The following NAPRT variants were observed in gnomAD, a reference collection of about 807,000 sequenced individuals.
The protein encoded by NAPRT is nicotinate phosphoribosyltransferase.
NAPRT carries 66 observed loss-of-function variants against 60.7 expected under a neutral mutation model. That is an observed-to-expected ratio of 1.09 (90% CI 0.89 to 1.33). The LOEUF is 1.33. NAPRT is among the 40% of genes most tolerant of loss of function. The pLI, the probability that NAPRT is intolerant of heterozygous loss-of-function variation, is 0.00. For missense variants in NAPRT, 818 were observed against 731.5 expected, an observed-to-expected ratio of 1.12 and a Z score of -1.36; for synonymous variants, 405 against 335.7, an observed-to-expected ratio of 1.21 and a Z score of -2.26.
chr8:143,577,786 C>T (rs1354293159), intron 2 of NAPRT, 30 bp downstream of exon 2: 1 of 1,579,802 alleles, frequency 6.3e-7, no homozygotes, highest in Non-Finnish European at 8.6e-7. Flanking sequence ...CACCCCGTGG[C>T]CGCCGCGCCG....
At position 143,575,611 on chromosome 8, in the gene NAPRT, A is replaced by C; in HGVS notation, c.1188+11T>G. On this transcript the variant is annotated intron_variant, in intron 9 of 12. Transcript: ENST00000449291. ...ACCTGCCCCCACCTGGGCCCCCGAC[A>C]CTGTCCCTACCTTATAGACGCCACC... 6.3e-7 allele frequency: 1 copy of C among 1,590,004 alleles called. No homozygotes were observed.
rs769715768 is a variant in NAPRT, at chr8:143,576,705, G to A, written c.822C>T (p.Ala274=). The change falls in exon 6 of 13, where the codon GCC becomes GCT. Residue 274 remains alanine, a synonymous_variant. Coordinates refer to ENST00000449291, the MANE Select transcript of NAPRT (RefSeq NM_145201.6). ...AGGCCCGGGGAAAAGCCAAGGCATAGGCCACAAAGGCTGCCCGCTCGCCTG... is the reference window on the plus strand; with the variant it reads ...AGGCCCGGGGAAAAGCCAAGGCATAAGCCACAAAGGCTGCCCGCTCGCCTG... ...PHPGERAAFV[A]YALAFPRAFQ... is the part of the protein sequence containing the mutation. The A allele has an allele frequency of 4.3e-6, 7 of 1,610,670 alleles. No individual in the cohort carries two copies. In the African/African-American group the frequency reaches 9.3e-5, roughly 21 times the overall value.
chr8:143,578,172 C>CG lies in NAPRT; in HGVS notation c.146dup (p.Phe50ValfsTer178). On this transcript the variant is annotated frameshift_variant, in exon 1 of 13. Coordinates refer to ENST00000449291, the MANE Select transcript of NAPRT (RefSeq NM_145201.6). LOFTEE classifies it high-confidence loss of function. ...CGGCCAAGGCGAAGGCGCCGCCGAA[C>CG]GGGCAGCGGCGGAAGAAGAGCTCGA... 1 of 1,514,848 alleles carries CG rather than the reference C, an allele frequency of 6.6e-7. No homozygotes were observed. The highest frequency in any genetic ancestry group is 1.2e-5 in the South Asian group (1 of 81,468). The allele number at this position is 1,514,848 out of a possible 1,614,324, so 93.8% of individuals were successfully genotyped here.
In NAPRT at chr8:143,577,418, C is replaced by CA; in HGVS notation, c.438-20dup. The CA allele has an allele frequency of 6.3e-7, 1 of 1,595,086 alleles. No individual in the cohort carries two copies. The highest frequency in any genetic ancestry group is 8.5e-7 in the Non-Finnish European group (1 of 1,170,438). ...CACCAGGCTGTGGGGAGCCAAGAGT[C>CA]AGGGGGTCCCAGGGTGAGGATCACT... On this transcript the variant is annotated intron_variant, in intron 3 of 12. Transcript: ENST00000449291.
At position 143,575,509 on chromosome 8, in the gene NAPRT, C is replaced by T. The variant is rs369842187; in HGVS notation, c.1205G>A (p.Gly402Asp). 1.8e-5 allele frequency: 29 copies of T among 1,597,768 alleles called. No homozygotes were observed. The highest frequency in any genetic ancestry group is 6.8e-5 in the East Asian group (3 of 44,386). The part of the protein sequence containing the change: ...GGVYKLVAVG[G>D]QPRMKLTEDP... ...CTCGGTCAGCTTCATTCGTGGCTGGCCCCCCACGGCCACCAGCTGCAGGAA... is the reference window on the plus strand; with the variant it reads ...CTCGGTCAGCTTCATTCGTGGCTGGTCCCCCACGGCCACCAGCTGCAGGAA... Residue 402 changes from glycine (G) to aspartate (D), a missense_variant, in exon 10 of 13, where the codon GGC becomes GAC. Coordinates refer to ENST00000449291, the MANE Select transcript of NAPRT (RefSeq NM_145201.6).
At position 143,577,676 on chromosome 8, in the gene NAPRT, A is replaced by T. The variant is rs1283782324; in HGVS notation, c.418T>A (p.Cys140Ser). The T allele has an allele frequency of 6.5e-7, 1 of 1,540,180 alleles. No individual in the cohort carries two copies. Among genetic ancestry groups the T allele is most frequent in the Admixed American group, 2.0e-5 (1 of 51,086 alleles). The change falls in exon 3 of 13, where the codon TGC becomes AGC. Residue 140 changes from cysteine (C) to serine (S), a missense_variant. By Grantham distance (112) the Cys-to-Ser change is moderately radical. Coordinates refer to ENST00000449291, the MANE Select transcript of NAPRT (RefSeq NM_145201.6). ...GCCCACCTGGCGTAGCTGACCAGGC[A>T]GAGCAGCGGTGTCTCCAGCAGCTGC... ...VVQLLETPLLCLVSYASLVAT... is the reference protein window; with the variant it reads ...VVQLLETPLLSLVSYASLVAT...
chr8:143,576,984 T>C (rs1331752674), intron 5 of NAPRT, 78 bp downstream of exon 5: 1 of 1,533,744 alleles, frequency 6.5e-7, no homozygotes, highest in East Asian at 2.3e-5. Context: ...CCTGCCTGGG[T>C]GGCACACCTC....
Position 143,577,418 on chromosome 8 carries a change from CA to C in NAPRT, c.438-20del. 6.3e-7 allele frequency: 1 copy of C among 1,595,086 alleles called. No homozygotes were observed. The highest frequency in any genetic ancestry group is 1.1e-5 in the South Asian group (1 of 89,206). On this transcript the variant is annotated intron_variant, in intron 3 of 12. Coordinates refer to ENST00000449291, the MANE Select transcript of NAPRT (RefSeq NM_145201.6). ...CACCAGGCTGTGGGGAGCCAAGAGT[CA>C]GGGGGTCCCAGGGTGAGGATCACTA... is the stretch of plus-strand genomic sequence containing the variant.
rs762882503 is a variant in NAPRT at position 143,578,118 on chromosome 8, C to G, written c.201G>C (p.Leu67=). 6.6e-7 allele frequency: 1 copy of G among 1,524,182 alleles called. No homozygotes were observed. Among genetic ancestry groups the G allele is most frequent in the Non-Finnish European group, 8.8e-7 (1 of 1,142,494 alleles). 94.4% of individuals were successfully genotyped at this position (1,524,182 alleles called of 1,614,324 possible). ...CGGCGTCCCGCAGGCGGAAGGCGCGCAGGAAGCGCACACAGTCGCGCAAGC... is the reference window on the plus strand; with the variant it reads ...CGGCGTCCCGCAGGCGGAAGGCGCGGAGGAAGCGCACACAGTCGCGCAAGC... The part of the protein sequence containing the change: ...AAGLRDCVRF[L]RAFRLRDADV... Residue 67 remains leucine, a synonymous_variant, in exon 1 of 13, where the codon CTG becomes CTC. Coordinates refer to ENST00000449291, the MANE Select transcript of NAPRT (RefSeq NM_145201.6).
intron 7 of NAPRT, 47 bp downstream of exon 7, chr8:143,576,385 A>G: frequency 1.3e-6 from 2 of 1,564,500 alleles, no homozygotes; most frequent in Non-Finnish European, 1.7e-6. Context: ...CCATTCCCAA[A>G]CCCCGGGGAT....
chr8:143,575,832 A>T (rs1824413119), intron 8 of NAPRT, 130 bp from the exon 9 acceptor site: 1 of 371,888 alleles, frequency 2.7e-6, no homozygotes. Flanking sequence ...TGGGTGGGGA[A>T]GGAGGTGCCA....
Position 143,575,244 on chromosome 8 carries a change from C to T in NAPRT, c.1393G>A (p.Val465Met), listed in dbSNP as rs752007321. 32 of 1,612,342 alleles carry T rather than the reference C, an allele frequency of 2.0e-5. No individual in the cohort carries two copies. Among genetic ancestry groups the T allele is most frequent in the East Asian group, 1.8e-4 (8 of 44,890 alleles). Residue 465 changes from valine to methionine, a missense_variant, in exon 11 of 13, where the codon GTG becomes ATG. Transcript: ENST00000449291. ...AGTGGCTCCACCTGGGCTGGCCTCA[C>T]GGTGCAGGGCTCCTGGGCCCCTGGA... is the stretch of plus-strand genomic sequence containing the variant. ...WPPGAQEPCTVRPAQVEPLLR... is the reference protein window; with the variant it reads ...WPPGAQEPCTMRPAQVEPLLR...
Position 143,577,194 on chromosome 8 carries a change from T to G in NAPRT, c.569-17A>C. ...TGTCGAAGCCTGGGGAGGAAGGCGG[T>G]GGGATTGGGGGACCTCGGGCCAAGA... On this transcript the variant is annotated splice_polypyrimidine_tract_variant and intron_variant, in intron 4 of 12. Transcript: ENST00000449291. 1.9e-6 allele frequency: 3 copies of G among 1,609,538 alleles called. No individual in the cohort carries two copies. Among genetic ancestry groups the G allele is most frequent in the Non-Finnish European group, 2.5e-6 (3 of 1,177,826 alleles).
chr8:143,575,760 C>T lies in NAPRT; in HGVS notation c.1108-58G>A, dbSNP rs1824402125. Reference sequence around the variant, plus strand: ...CTGCCCTGGGTGGGGAAGGGGGTGGCACTGCCCTGGGTGGGGAAGGAGGTG... The same window carrying T: ...CTGCCCTGGGTGGGGAAGGGGGTGGTACTGCCCTGGGTGGGGAAGGAGGTG... On this transcript the variant is annotated intron_variant, in intron 8 of 12. Transcript: ENST00000449291. 6 of 1,183,622 alleles carry T rather than the reference C, an allele frequency of 5.1e-6. No homozygotes were observed. The South Asian group carries it at 7.3e-5, about 14-fold the overall frequency. The allele number at this position is 1,183,622 out of a possible 1,614,324, so 73.3% of individuals were successfully genotyped here. A position where few individuals can be genotyped will look rare whatever the true frequency, so the allele number is the denominator to read the frequency against.
Position 143,578,193 on chromosome 8 carries a change from C to T in NAPRT, c.126G>A (p.Glu42=), listed in dbSNP as rs1283855232. 7 of 1,511,832 alleles carry T rather than the reference C, an allele frequency of 4.6e-6. No homozygotes were observed. In the Admixed American group the frequency reaches 8.7e-5, roughly 19 times the overall value. The allele number at this position is 1,511,832 out of a possible 1,614,324, so 93.7% of individuals were successfully genotyped here. Residue 42 remains glutamate (E), a synonymous_variant, in exon 1 of 13, where the codon GAG becomes GAA. Transcript: ENST00000449291. The part of the protein sequence containing the change: ...AGRARDAAEF[E]LFFRRCPFGG... ...CGAACGGGCAGCGGCGGAAGAAGAGCTCGAACTCGGCGGCGTCCCGCGCCC... is the reference window on the plus strand; with the variant it reads ...CGAACGGGCAGCGGCGGAAGAAGAGTTCGAACTCGGCGGCGTCCCGCGCCC...
downstream of NAPRT, among the ~76,000 whole-genome samples, chr8:143,574,107 C>G (rs182405255): frequency 1.3e-5 from 2 of 152,378 alleles, no homozygotes; most frequent in Admixed American, 6.5e-5. Context: ...CTGGCGGAAC[C>G]CTGAGATCAG....
chr8:143,575,054 A>G lies in NAPRT; in HGVS notation c.1486T>C (p.Leu496=). The change falls in exon 12 of 13, where the codon TTG becomes CTG. Residue 496 remains leucine (L), a synonymous_variant. Coordinates refer to ENST00000449291, the MANE Select transcript of NAPRT (RefSeq NM_145201.6). The part of the protein sequence containing the change: ...PLPSLAESRA[L]AQLSLSRLSP... ...AGTCGGCTCAGGGACAGCTGGGCCA[A>G]GGCTCTAGACTCTGCCAGGGATGGG... is the stretch of plus-strand genomic sequence containing the variant. The G allele has an allele frequency of 6.6e-7, 1 of 1,507,862 alleles. No individual in the cohort carries two copies. The highest frequency in any genetic ancestry group is 8.9e-7 in the Non-Finnish European group (1 of 1,123,304). The allele number at this position is 1,507,862 out of a possible 1,614,324, so 93.4% of individuals were successfully genotyped here. A position where few individuals can be genotyped will look rare whatever the true frequency, so the allele number is the denominator to read the frequency against.
In NAPRT at chr8:143,577,855, C is replaced by G. The variant is rs59122291; in HGVS notation, c.315G>C (p.Thr105=). ...HLRALDCSEV[T]VRALPEGSLA... ...GGGAGCCCTCGGGCAGGGCTCGCAC[C>G]GTCACCTCGGAGCAGTCGAGGGCCC... The change falls in exon 2 of 13, where the codon ACG becomes ACC. Residue 105 remains threonine (T), a synonymous_variant. Coordinates refer to ENST00000449291, the MANE Select transcript of NAPRT (RefSeq NM_145201.6). 2.6e-3 allele frequency: 4,210 copies of G among 1,611,940 alleles called. 87 individuals carry two copies. The African/African-American group carries it at 0.049, about 19-fold the overall frequency.
chr8:143,575,574 ACCATC>A (rs748150406), intron 9 of NAPRT, 43 bp downstream of exon 9: 2 of 1,590,426 alleles, frequency 1.3e-6, no homozygotes, highest in Non-Finnish European at 1.7e-6. Flanking sequence ...CCCACCCAGC[ACCATC>A]CCTCAGACCT....
Sources: gnomAD v4.1 joint callset for allele counts (sites outside exome capture counted in the v4.1 genomes callset) on GRCh38, gnomAD v4.1.1 for gene constraint, MANE v1.5 for transcripts, NCBI Gene and HGNC (gene_info 2026-07-23, HGNC 2026-07-21) for gene names.